PCCB: variants seen among roughly 807,000 people sequenced by gnomAD.
PCCB encodes propionyl-CoA carboxylase beta chain, mitochondrial.
Under a neutral mutation model 60.7 loss-of-function variants are expected in PCCB, and 43 were observed. The ratio of observed to expected loss-of-function variants is 0.71; its 90% CI spans 0.55 to 0.91. PCCB has a LOEUF of 0.91. Among genes scored for constraint, PCCB ranks in the 40% least tolerant of loss-of-function variants. PCCB has a pLI of 0.00. For synonymous variants in PCCB, 276 were observed against 255.9 expected (o/e 1.08, Z -0.75); for missense variants, 766 against 702.8 (o/e 1.09, Z -1.02).
rs924446493 is a variant in PCCB, at chr3:136,328,772, C to G, written c.1413C>G (p.Ile471Met). The change falls in exon 14 of 15, where the codon ATC becomes ATG. Residue 471 changes from isoleucine (I) to methionine (M), a missense_variant. By Grantham distance (10) the Ile-to-Met change is conservative. Transcript: ENST00000251654. ...TCTAATCACAGGGCGCTGTGGAGAT[C>G]ATCTTCAAAGGGCATGAGAATGTGG... ...AVMGAKGAVE[I>M]IFKGHENVEA... is the part of the protein sequence containing the mutation. 1 of 1,613,980 alleles carries G rather than the reference C, an allele frequency of 6.2e-7. No homozygotes were observed. The highest frequency in any genetic ancestry group is 8.5e-7 in the Non-Finnish European group (1 of 1,179,814).
chr3:136,328,729 A>G (rs975414131), intron 13 of PCCB, 29 bp from the exon 14 acceptor site: 4 of 1,576,642 alleles, frequency 2.5e-6, no homozygotes, highest in Admixed American at 1.7e-5. Context: ...GGGACGACCA[A>G]AGATGTTCAT....
intron 6 of PCCB, among the ~76,000 whole-genome samples, chr3:136,290,098 AT>A (rs1224185061): frequency 3.3e-5 from 5 of 152,092 alleles, no homozygotes; most frequent in Non-Finnish European, 7.4e-5. Flanking sequence ...TTTTACCTTC[AT>A]TTATTCCTTC....
At chr3:136,285,797 C>T (rs978370645) in intron 6 of PCCB, among the ~76,000 whole-genome samples, 1 of 152,216 alleles carries the variant, frequency 6.6e-6, no homozygotes, top group African/African-American at 2.4e-5. Flanking sequence ...TAAGCAATCT[C>T]ATTTTCTGCT....
At chr3:136,299,007 C>G (rs555798440) in intron 8 of PCCB, among the ~76,000 whole-genome samples, 1 of 152,084 alleles carries the variant, frequency 6.6e-6, no homozygotes, top group Non-Finnish European at 1.5e-5. Context: ...TGTGTGTAGT[C>G]ATGGAGGGGA....
At chr3:136,263,018 G>A (rs1454008118) in intron 5 of PCCB, among the ~76,000 whole-genome samples, 3 of 144,808 alleles carry the variant, frequency 2.1e-5, no homozygotes, top group Non-Finnish European at 3.0e-5. Context: ...GCAGTGGCCC[G>A]ATCTCGGCTC....
intron 10 of PCCB, among the ~76,000 whole-genome samples, chr3:136,322,329 A>G (rs1282143212): frequency 1.3e-5 from 2 of 152,172 alleles, no homozygotes. Flanking sequence ...TTTGATGTGT[A>G]ATTCTTTTTC....
chr3:136,290,671 G>GTTTTTTTTTTGTTTTTTTTTTT (rs1933638651), intron 6 of PCCB, among the ~76,000 whole-genome samples: 1 of 60,050 alleles, frequency 1.7e-5, no homozygotes, highest in African/African-American at 7.5e-5. Context: ...TCTCTGTGTA[G>GTTTTTTTTTTGTTTTTTTTTTT]TTTTTTTTTT....
At chr3:136,323,686 G>A (rs1475952365) in intron 10 of PCCB, among the ~76,000 whole-genome samples, 3 of 151,950 alleles carry the variant, frequency 2.0e-5, no homozygotes, top group South Asian at 2.1e-4. Flanking sequence ...TTACGAGGCC[G>A]AGGCAGGAGA....
chr3:136,321,450 G>A (rs1269777507), intron 10 of PCCB, among the ~76,000 whole-genome samples: 1 of 152,220 alleles, frequency 6.6e-6, no homozygotes, highest in South Asian at 2.1e-4. Context: ...GGCTGGGAAG[G>A]CGTCAGGAAA....
intron 8 of PCCB, among the ~76,000 whole-genome samples, chr3:136,299,211 CAT>C (rs939439373): frequency 2.0e-5 from 3 of 151,796 alleles, no homozygotes; most frequent in African/African-American, 4.8e-5. Flanking sequence ...TATATGTATA[CAT>C]ATATATATGC....
At chr3:136,314,940 A>T (rs1414485383) in intron 9 of PCCB, among the ~76,000 whole-genome samples, 2 of 152,238 alleles carry the variant, frequency 1.3e-5, no homozygotes, top group Non-Finnish European at 2.9e-5. Context: ...ACATTGTGCC[A>T]CTTGATGAGA....
chr3:136,262,227 AAAGC>A (rs1378836816), intron 5 of PCCB, among the ~76,000 whole-genome samples, 162 bp downstream of exon 5: 2 of 152,166 alleles, frequency 1.3e-5, no homozygotes, highest in Non-Finnish European at 2.9e-5. Flanking sequence ...GGGTAGATGA[AAAGC>A]AAGAGAGAGT....
At chr3:136,305,996 T>A (rs1934443432) in intron 9 of PCCB, among the ~76,000 whole-genome samples, 1 of 122,010 alleles carries the variant, frequency 8.2e-6, no homozygotes, top group Non-Finnish European at 1.8e-5. Flanking sequence ...GGACACTACA[T>A]CTTTCCCCAT....
Position 136,262,075 on chromosome 3 carries a change from C to T in PCCB, c.543+10C>T. 6.7e-7 allele frequency: 1 copy of T among 1,493,980 alleles called. No individual in the cohort carries two copies. The highest frequency in any genetic ancestry group is 9.1e-7 in the Non-Finnish European group (1 of 1,093,884). 92.5% of individuals were successfully genotyped at this position (1,493,980 alleles called of 1,614,324 possible). On this transcript the variant is annotated intron_variant, in intron 5 of 14. Transcript: ENST00000251654. ...TGCAGACATCTTTCTGGTGAGAAAC[C>T]TGTTAATAGAGAATAAAAAAATACA...
chr3:136,272,701 GTTTCATT>G (rs1296242799), intron 5 of PCCB, among the ~76,000 whole-genome samples: 23 of 152,006 alleles, frequency 1.5e-4, no homozygotes, highest in Admixed American at 1.2e-3. Context: ...AATATTTCCA[GTTTCATT>G]TTTCATTGAG....
chr3:136,275,690 G>C (rs1273291783), intron 5 of PCCB, among the ~76,000 whole-genome samples: 1 of 152,152 alleles, frequency 6.6e-6, no homozygotes, highest in Admixed American at 6.5e-5. Flanking sequence ...AATGCTTTTA[G>C]GGGGAAGACT....
At chr3:136,250,581 G>T in intron 1 of PCCB, 23 bp downstream of exon 1, 1 of 1,597,658 alleles carries the variant, frequency 6.3e-7, no homozygotes, top group Non-Finnish European at 8.5e-7. Context: ...GGGCCTAAGT[G>T]AGTCCCGCCC....
At chr3:136,254,586 A>G (rs534172110) in intron 1 of PCCB, among the ~76,000 whole-genome samples, 1 of 126,780 alleles carries the variant, frequency 7.9e-6, no homozygotes, top group African/African-American at 3.0e-5. Flanking sequence ...AGGCTGGAGC[A>G]CGGTGGAGTG....
rs148005985 is a variant in PCCB, at chr3:136,305,841, A to G, written c.966+4730A>G. On this transcript the variant is annotated intron_variant, in intron 9 of 14. Transcript: ENST00000251654. The stretch of plus-strand genomic sequence containing the variant: ...TACTTAAGAGTGCACACACAAATCA[A>G]TACGGTAGTCAGGGGAAGGCATTAC... Among the ~76,000 whole-genome samples the G allele has an allele frequency of 3.9e-4, 48 of 121,728 alleles. 3 individuals are homozygous for G. The highest frequency in any genetic ancestry group is 1.1e-3 in the African/African-American group (46 of 40,126). The allele number at this position is 121,728 out of a possible 152,430, so 79.9% of individuals were successfully genotyped here.
Sources: gnomAD v4.1 joint callset for allele counts (sites outside exome capture counted in the v4.1 genomes callset) on GRCh38, gnomAD v4.1.1 for gene constraint, MANE v1.5 for transcripts, NCBI Gene and HGNC (gene_info 2026-07-23, HGNC 2026-07-21) for gene names.